PRUNE1: variants seen among roughly 807,000 people sequenced by gnomAD.
PRUNE1 encodes the protein exopolyphosphatase PRUNE1.
Under a neutral mutation model 42.5 loss-of-function variants are expected in PRUNE1, and 25 were observed. The observed-to-expected ratio is 0.59, with a 90% confidence interval of 0.43 to 0.82. PRUNE1 has a LOEUF of 0.82. PRUNE1 is among the 40% of genes least tolerant of loss of function. The pLI is 0.00. For missense variants in PRUNE1, 443 were observed against 539.3 expected, an observed-to-expected ratio of 0.82 and a Z score of 1.77; for synonymous variants, 203 against 217.1, an observed-to-expected ratio of 0.93 and a Z score of 0.57.
intron 6 of PRUNE1, 128 bp from the exon 7 acceptor site, chr1:151,028,658 A>C: frequency 1.1e-6 from 1 of 908,050 alleles, no homozygotes; most frequent in Non-Finnish European, 1.7e-6. Flanking sequence ...TCCTGACCTC[A>C]AGTGATCACC....
At chr1:151,024,834 T>G (rs764280342) in intron 4 of PRUNE1, 39 bp downstream of exon 4, 2 of 1,560,962 alleles carry the variant, frequency 1.3e-6, no homozygotes, top group Non-Finnish European at 1.7e-6. Context: ...AGTAGTTCTA[T>G]TCCTGTCCCT....
At chr1:151,017,161 A>G (rs1042657464) in intron 1 of PRUNE1, among the ~76,000 whole-genome samples, 5 of 151,962 alleles carry the variant, frequency 3.3e-5, no homozygotes, top group African/African-American at 1.2e-4. Flanking sequence ...ATAATCAACC[A>G]GGGTTGATAT....
intron 1 of PRUNE1, among the ~76,000 whole-genome samples, chr1:151,016,148 A>T (rs1218944325): frequency 6.6e-6 from 1 of 151,962 alleles, no homozygotes; most frequent in Admixed American, 6.6e-5. Context: ...GGTGCAGGAG[A>T]ATTGCTTGAA....
At position 151,008,532 on chromosome 1, in the gene PRUNE1, A is replaced by G. The variant is rs1189598135; in HGVS notation, c.-101A>G. 7.6e-6 allele frequency: 11 copies of G among 1,446,224 alleles called. No individual in the cohort carries two copies. Among genetic ancestry groups the G allele is most frequent in the Non-Finnish European group, 9.7e-6 (10 of 1,028,202 alleles). 89.6% of individuals were successfully genotyped at this position (1,446,224 alleles called of 1,614,324 possible). The stretch of plus-strand genomic sequence containing the variant: ...GTCCCGCCTCCTGACTCTGGCCTCT[A>G]GTCCCTGAGTCCCGGGCGGGCTGCA... On this transcript the variant is annotated 5_prime_UTR_variant, in exon 1 of 8. Coordinates refer to ENST00000271620, the MANE Select transcript of PRUNE1 (RefSeq NM_021222.3).
chr1:151,029,412 G>A (rs1675093934), intron 7 of PRUNE1, among the ~76,000 whole-genome samples: 1 of 145,946 alleles, frequency 6.9e-6, no homozygotes. Flanking sequence ...CTGTTGCCCA[G>A]GCTGGGGTGC....
Position 151,024,658 on chromosome 1 carries a change from G to A in PRUNE1, c.383G>A (p.Arg128Gln), listed in dbSNP as rs767769359. The A allele has an allele frequency of 2.4e-5, 39 of 1,613,308 alleles. No homozygotes were observed. Among genetic ancestry groups the A allele is most frequent in the East Asian group, 4.5e-5 (2 of 44,888 alleles). ...GCAGTAGCAGAGGTGCTAGACCATC[G>A]ACCCATCGAGCCGAAACACTGCCCT... ...EEAVAEVLDH[R>Q]PIEPKHCPPC... Residue 128 changes from arginine to glutamine, a missense_variant, in exon 4 of 8, where the codon CGA (arginine) becomes CAA (glutamine). By Grantham distance (43) the Arg-to-Gln change is conservative. Coordinates refer to ENST00000271620, the MANE Select transcript of PRUNE1 (RefSeq NM_021222.3).
chr1:151,027,816 A>G (rs1160504835), intron 6 of PRUNE1, among the ~76,000 whole-genome samples: 2 of 149,128 alleles, frequency 1.3e-5, no homozygotes, highest in African/African-American at 4.9e-5. Context: ...ATGGGGTCTC[A>G]CTATGTTGCC....
chr1:151,028,392 G>A (rs770288234), intron 6 of PRUNE1, among the ~76,000 whole-genome samples: 83 of 150,572 alleles, frequency 5.5e-4, no homozygotes, highest in Non-Finnish European at 7.1e-4. Flanking sequence ...GGTGCGTGCC[G>A]GCATGCCCAG....
chr1:151,025,496 C>T lies in PRUNE1; in HGVS notation c.521-19C>T. 1 of 1,609,228 alleles carries T rather than the reference C, an allele frequency of 6.2e-7. No individual in the cohort carries two copies. Among genetic ancestry groups the T allele is most frequent in the Non-Finnish European group, 8.5e-7 (1 of 1,177,792 alleles). On this transcript the variant is annotated intron_variant, in intron 4 of 7. Transcript: ENST00000271620. ...GAAGGGTCACAGGATTCAAGTTCCACCATCTCCCTTCTCCACAGGAACCAT... is the reference window on the plus strand; with the variant it reads ...GAAGGGTCACAGGATTCAAGTTCCATCATCTCCCTTCTCCACAGGAACCAT...
At chr1:151,012,285 A>G (rs1197638867) in intron 1 of PRUNE1, among the ~76,000 whole-genome samples, 2 of 152,144 alleles carry the variant, frequency 1.3e-5, no homozygotes, top group Non-Finnish European at 2.9e-5. Context: ...GCTTGGAATT[A>G]GGGGTTACAC....
Position 151,028,768 on chromosome 1 carries a change from C to A in PRUNE1, c.775-18C>A. Reference sequence around the variant, plus strand: ...TGATGAGAAAGTCCTTCATCCCTCTCCGTTTCTTCCCTTTCAGGCCTTTCT... The same window carrying A: ...TGATGAGAAAGTCCTTCATCCCTCTACGTTTCTTCCCTTTCAGGCCTTTCT... On this transcript the variant is annotated intron_variant, in intron 6 of 7. Coordinates refer to ENST00000271620, the MANE Select transcript of PRUNE1 (RefSeq NM_021222.3). 6.2e-7 allele frequency: 1 copy of A among 1,610,452 alleles called. No individual in the cohort carries two copies. The highest frequency in any genetic ancestry group is 1.1e-5 in the South Asian group (1 of 90,836).
chr1:151,034,193 T>A lies in PRUNE1; in HGVS notation c.1321T>A (p.Ser441Thr), dbSNP rs775706780. The A allele has an allele frequency of 6.2e-7, 1 of 1,613,902 alleles. No individual in the cohort carries two copies. Among genetic ancestry groups the A allele is most frequent in the South Asian group, 1.1e-5 (1 of 91,074 alleles). Residue 441 changes from serine (S) to threonine (T), a missense_variant, in exon 8 of 8, where the codon TCA (serine) becomes ACA (threonine). Ser to Thr is a moderately conservative substitution (Grantham distance 58). Coordinates refer to ENST00000271620, the MANE Select transcript of PRUNE1 (RefSeq NM_021222.3). The stretch of plus-strand genomic sequence containing the variant: ...CGTCTTCGAGAAGTGCAGTCAGATC[T>A]CACTGTCACAGTCTACCACAGCCTC... Reference protein sequence around the residue: ...EAVFEKCSQISLSQSTTASLS... With the variant: ...EAVFEKCSQITLSQSTTASLS...
At chr1:151,026,815 C>T (rs587766758) in intron 5 of PRUNE1, among the ~76,000 whole-genome samples, 1 of 148,254 alleles carries the variant, frequency 6.7e-6, no homozygotes, top group East Asian at 2.0e-4. Flanking sequence ...TTTAAGATGG[C>T]TTTTGATTAT....
rs1674233092 is a variant in PRUNE1 at position 151,018,473 on chromosome 1, G to A, written c.139G>A (p.Glu47Lys). 11 of 1,610,422 alleles carry A rather than the reference G, an allele frequency of 6.8e-6. No individual in the cohort carries two copies. Among genetic ancestry groups the A allele is most frequent in the African/African-American group, 1.3e-5 (1 of 74,766 alleles). The change falls in exon 3 of 8, where the codon GAG (glutamate) becomes AAG (lysine). Residue 47 changes from glutamate (E) to lysine (K), a missense_variant. Coordinates refer to ENST00000271620, the MANE Select transcript of PRUNE1 (RefSeq NM_021222.3). ...TTTTCACTTTCCTATCTAGACAACT[G>A]AGGCTGAGGAAGTCTTTGTGCCAGT... ...ALAFYLAKTT[E>K]AEEVFVPVLN...
At chr1:151,024,941 C>T in intron 4 of PRUNE1, 146 bp downstream of exon 4, 1 of 879,212 alleles carries the variant, frequency 1.1e-6, no homozygotes, top group South Asian at 1.9e-5. Context: ...TTTCAGGGGA[C>T]AATTGAGCAT....
At chr1:151,014,831 A>G (rs587661870) in intron 1 of PRUNE1, among the ~76,000 whole-genome samples, 1 of 152,296 alleles carries the variant, frequency 6.6e-6, no homozygotes, top group East Asian at 1.9e-4. Context: ...TGCTACTGGC[A>G]TCCATGTGGG....
rs1558084366 is a variant in PRUNE1 at position 151,025,499 on chromosome 1, T to C, written c.521-16T>C. 6.2e-7 allele frequency: 1 copy of C among 1,609,954 alleles called. No individual in the cohort carries two copies. The highest frequency in any genetic ancestry group is 8.5e-7 in the Non-Finnish European group (1 of 1,178,226). On this transcript the variant is annotated splice_polypyrimidine_tract_variant and intron_variant, in intron 4 of 7. Coordinates refer to ENST00000271620, the MANE Select transcript of PRUNE1 (RefSeq NM_021222.3). ...GGGTCACAGGATTCAAGTTCCACCA[T>C]CTCCCTTCTCCACAGGAACCATCAT...
intron 3 of PRUNE1, among the ~76,000 whole-genome samples, chr1:151,023,450 T>C (rs1674603747): frequency 6.6e-6 from 1 of 152,196 alleles, no homozygotes; most frequent in Non-Finnish European, 1.5e-5. Flanking sequence ...CTGGGCGCGG[T>C]GGCTCATGCC....
rs146946749 is a variant in PRUNE1 at position 151,013,006 on chromosome 1, G to A, written c.39+4335G>A. Among the ~76,000 whole-genome samples, 354 of 152,108 alleles carry A rather than the reference G, an allele frequency of 2.3e-3. 12 individuals carry two copies. In the East Asian group the frequency reaches 0.053, roughly 23 times the overall value. ...TCGAACCCCTGACCTGAGGTGATTC[G>A]CCCACCTTGGCCTCCCAAAGTGCTG... On this transcript the variant is annotated intron_variant, in intron 1 of 7. Coordinates refer to ENST00000271620, the MANE Select transcript of PRUNE1 (RefSeq NM_021222.3).
Sources: gnomAD v4.1 joint callset for allele counts (sites outside exome capture counted in the v4.1 genomes callset) on GRCh38, gnomAD v4.1.1 for gene constraint, MANE v1.5 for transcripts, NCBI Gene and HGNC (gene_info 2026-07-23, HGNC 2026-07-21) for gene names.